The following FOXO3 variants were observed in gnomAD, a reference collection of about 807,000 sequenced individuals.
FOXO3 encodes the protein forkhead box O3.
Under a neutral mutation model 41.9 loss-of-function variants are expected in FOXO3, and 4 were observed. That is an observed-to-expected ratio of 0.10 (90% CI 0.05 to 0.22). The LOEUF (loss-of-function observed/expected upper bound fraction) is 0.22, where lower values mean the gene tolerates loss of function less well. Ranked by LOEUF, FOXO3 falls within the 10% of genes least tolerant of loss-of-function variation. FOXO3 has a pLI of 1.00. For missense variants in FOXO3, 534 were observed against 906.8 expected, an observed-to-expected ratio of 0.59 and a Z score of 5.28; for synonymous variants, 318 against 389.3, an observed-to-expected ratio of 0.82 and a Z score of 2.16.
At chr6:108,622,252 G>A (rs1031112858) in intron 1 of FOXO3, among the ~76,000 whole-genome samples, 74 of 106,592 alleles carry the variant, frequency 6.9e-4, no homozygotes, top group African/African-American at 2.7e-3. Context: ...GAGCAAGACT[G>A]TCTCAAAAAA....
At position 108,637,143 on chromosome 6, in the gene FOXO3, G is replaced by C. The variant is rs79074950; in HGVS notation, c.622-26312G>C. Among the ~76,000 whole-genome samples the C allele has an allele frequency of 7.9e-3, 1,205 of 152,252 alleles. 17 individuals are homozygous for C. The highest frequency in any genetic ancestry group is 0.027 in the African/African-American group (1,141 of 41,532). On this transcript the variant is annotated intron_variant, in intron 1 of 2. Coordinates refer to ENST00000406360, the MANE Select transcript of FOXO3 (RefSeq NM_001455.4). ...AGCTGTGAAAGAAATAAAATAAATT[G>C]AGGTATTGAGAGAACACATAGAAAG...
At chr6:108,631,911 C>A (rs758518775) in intron 1 of FOXO3, among the ~76,000 whole-genome samples, 9 of 152,210 alleles carry the variant, frequency 5.9e-5, no homozygotes, top group Non-Finnish European at 1.3e-4. Flanking sequence ...ACCCCTCCCC[C>A]CTTTTTCCAT....
chr6:108,682,752 A>G lies in FOXO3; in HGVS notation c.*2960A>G, dbSNP rs1317964326. The G allele has an allele frequency of 1.3e-5, 2 of 152,280 alleles. No homozygotes were observed. The highest frequency in any genetic ancestry group is 2.9e-5 in the Non-Finnish European group (2 of 68,048). The allele number at this position is 152,280 out of a possible 1,614,324, so 9.4% of individuals were successfully genotyped here. A position where few individuals can be genotyped will look rare whatever the true frequency, so the allele number is the denominator to read the frequency against. On this transcript the variant is annotated 3_prime_UTR_variant, in exon 3 of 3. Transcript: ENST00000406360. ...TAACAATAATTTTCTGATCTGGAGC[A>G]TATCAGCAGAATGCTTAGCCTCAAG...
intron 1 of FOXO3, among the ~76,000 whole-genome samples, chr6:108,620,995 A>T (rs1777649439): frequency 1.3e-5 from 2 of 152,228 alleles, no homozygotes; most frequent in Non-Finnish European, 2.9e-5. Flanking sequence ...ATCTTATTTA[A>T]AGCCCCATTT....
rs751862061 is a variant in FOXO3 at position 108,663,973 on chromosome 6, T to C, written c.1140T>C (p.Asp380=). The C allele has an allele frequency of 1.2e-6, 2 of 1,612,808 alleles. No individual in the cohort carries two copies. The highest frequency in any genetic ancestry group is 2.2e-5 in the East Asian group (1 of 44,860). The stretch of plus-strand genomic sequence containing the variant: ...TGGCAGGCACCATGAATCTGAATGA[T>C]GGGCTGACTGAAAACCTCATGGACG... ...TDMAGTMNLN[D]GLTENLMDDL... is the part of the protein sequence containing the mutation. Residue 380 remains aspartate (D), a synonymous_variant, in exon 2 of 3, where the codon GAT becomes GAC. Coordinates refer to ENST00000406360, the MANE Select transcript of FOXO3 (RefSeq NM_001455.4).
At chr6:108,572,627 T>C (rs932254102) in intron 1 of FOXO3, among the ~76,000 whole-genome samples, 1 of 152,154 alleles carries the variant, frequency 6.6e-6, no homozygotes, top group Admixed American at 6.5e-5. Context: ...TATTTTAAAA[T>C]TATATTTTTG....
intron 2 of FOXO3, among the ~76,000 whole-genome samples, chr6:108,668,754 A>G (rs550316531): frequency 6.6e-6 from 1 of 152,276 alleles, no homozygotes; most frequent in African/African-American, 2.4e-5. Context: ...ACATCACTCA[A>G]TCTTGTAGAA....
In FOXO3 at chr6:108,568,697, G is replaced by T. The variant is rs189717641; in HGVS notation, c.621+6868G>T. ...GGCTGATGTGACTCAGGAGTGAGCTGGTGTCATGAGTGGAGTCTTTTGGAT... is the reference window on the plus strand; with the variant it reads ...GGCTGATGTGACTCAGGAGTGAGCTTGTGTCATGAGTGGAGTCTTTTGGAT... On this transcript the variant is annotated intron_variant, in intron 1 of 2. Coordinates refer to ENST00000406360, the MANE Select transcript of FOXO3 (RefSeq NM_001455.4). 6.6e-4 allele frequency among the ~76,000 whole-genome samples: 100 copies of T among 152,306 alleles called. 1 individual carries two copies. Among genetic ancestry groups the T allele is most frequent in the African/African-American group, 2.4e-3 (98 of 41,566 alleles).
intron 1 of FOXO3, among the ~76,000 whole-genome samples, chr6:108,583,898 G>A (rs1018952636): frequency 2.6e-5 from 4 of 152,206 alleles, no homozygotes; most frequent in Non-Finnish European, 4.4e-5. Context: ...TATAATTCTC[G>A]TAGACAGAGT....
At chr6:108,584,978 G>A (rs1259916975) in intron 1 of FOXO3, among the ~76,000 whole-genome samples, 1 of 142,690 alleles carries the variant, frequency 7.0e-6, no homozygotes, top group East Asian at 2.1e-4. Flanking sequence ...CTGATCTATG[G>A]CTTTGGCACT....
At chr6:108,577,283 A>G (rs1347639035) in intron 1 of FOXO3, among the ~76,000 whole-genome samples, 2 of 152,156 alleles carry the variant, frequency 1.3e-5, no homozygotes, top group Admixed American at 6.5e-5. Context: ...ACACGAGGGT[A>G]CTTCCTTGAT....
intron 1 of FOXO3, among the ~76,000 whole-genome samples, chr6:108,611,866 G>A (rs914896081): frequency 6.6e-6 from 1 of 151,856 alleles, no homozygotes. Context: ...CTAAGTTTTA[G>A]CTCTTAAATT....
rs1264068533 is a variant in FOXO3 at position 108,653,360 on chromosome 6, G to A, written c.622-10095G>A. Among the ~76,000 whole-genome samples, 7 of 152,154 alleles carry A rather than the reference G, an allele frequency of 4.6e-5. No individual in the cohort carries two copies. In the East Asian group the frequency reaches 1.3e-3, roughly 29 times the overall value. On this transcript the variant is annotated intron_variant, in intron 1 of 2. Transcript: ENST00000406360. ...AGTAAAACATGGTATCTGGTTTAAA[G>A]AGCCAGACTGCACCCTGCATTTTAT...
chr6:108,562,521 C>G (rs1024562963), intron 1 of FOXO3, among the ~76,000 whole-genome samples: 1 of 152,138 alleles, frequency 6.6e-6, no homozygotes, highest in South Asian at 2.1e-4. Context: ...TCGAACCGGC[C>G]GGTCTGGCCA....
intron 1 of FOXO3, among the ~76,000 whole-genome samples, chr6:108,569,954 T>G (rs1776048096): frequency 6.9e-6 from 1 of 143,912 alleles, no homozygotes; most frequent in Non-Finnish European, 1.5e-5. Context: ...TGGGGTGGGG[T>G]GGAAGAATCC....
intron 1 of FOXO3, among the ~76,000 whole-genome samples, chr6:108,603,467 G>A (rs1403122914): frequency 1.3e-5 from 2 of 152,084 alleles, no homozygotes; most frequent in African/African-American, 4.8e-5. Context: ...CTTTCTCGGG[G>A]ATGATAAAGG....
At chr6:108,584,598 T>C (rs1272911863) in intron 1 of FOXO3, among the ~76,000 whole-genome samples, 1 of 152,152 alleles carries the variant, frequency 6.6e-6, no homozygotes, top group Non-Finnish European at 1.5e-5. Flanking sequence ...ATGCAGAGTG[T>C]TGGGTGAATT....
rs769303050 is a variant in FOXO3 at position 108,561,256 on chromosome 6, G to T, written c.48G>T (p.Val16=). Residue 16 remains valine, a synonymous_variant, in exon 1 of 3, where the codon GTG becomes GTT. Coordinates refer to ENST00000406360, the MANE Select transcript of FOXO3 (RefSeq NM_001455.4). ...CGGCCCCGCTCTCTCCGCTCGAAGT[G>T]GAGCTGGACCCGGAGTTCGAGCCCC... ...ASPAPLSPLE[V]ELDPEFEPQS... 10 of 1,565,366 alleles carry T rather than the reference G, an allele frequency of 6.4e-6. No homozygotes were observed. The highest frequency in any genetic ancestry group is 4.8e-5 in the East Asian group (2 of 41,922).
chr6:108,592,512 G>A (rs1045636852), intron 1 of FOXO3, among the ~76,000 whole-genome samples: 13 of 152,184 alleles, frequency 8.5e-5, no homozygotes, highest in African/African-American at 3.1e-4. Context: ...AGCAATAGAA[G>A]TTCTTGGCTT....
Sources: allele counts gnomAD v4.1 joint callset (sites outside exome capture counted in the v4.1 genomes callset), GRCh38; gene constraint gnomAD v4.1.1; transcripts MANE v1.5; gene names NCBI Gene and HGNC (gene_info 2026-07-23, HGNC 2026-07-21).